DPP10: variants seen among roughly 807,000 people sequenced by gnomAD.
DPP10 encodes inactive dipeptidyl peptidase 10.
DPP10 carries 33 observed loss-of-function variants against 120.9 expected under a neutral mutation model. That is an observed-to-expected ratio of 0.27 (90% CI 0.21 to 0.37). The LOEUF (loss-of-function observed/expected upper bound fraction) is 0.37. Among genes scored for constraint, DPP10 ranks in the 10% least tolerant of loss-of-function variants. DPP10 has a pLI of 1.00. For missense variants in DPP10, 816 were observed against 942.8 expected (o/e 0.87, Z 1.76); for synonymous variants, 337 against 326.1 (o/e 1.03, Z -0.36).
intron 7 of DPP10, among the ~76,000 whole-genome samples, chr2:115,704,239 T>A (rs994976365): frequency 2.0e-5 from 3 of 151,622 alleles, no homozygotes; most frequent in Non-Finnish European, 4.4e-5. Flanking sequence ...GACCTAGCCA[T>A]TTAAAAAAAA....
chr2:115,141,501 AT>A (rs2050925877), intron 1 of DPP10, among the ~76,000 whole-genome samples: 1 of 152,206 alleles, frequency 6.6e-6, no homozygotes, highest in African/African-American at 2.4e-5. Context: ...AGAGCATGGA[AT>A]TTGCCTTACC....
At chr2:115,450,100 C>G (rs1416506911) in intron 3 of DPP10, among the ~76,000 whole-genome samples, 1 of 151,880 alleles carries the variant, frequency 6.6e-6, no homozygotes, top group Admixed American at 6.6e-5. Flanking sequence ...ATTAGCCCAT[C>G]ATAAGTTGAG....
chr2:115,469,158 G>A (rs1460751011), intron 3 of DPP10, among the ~76,000 whole-genome samples: 1 of 151,894 alleles, frequency 6.6e-6, no homozygotes, highest in Non-Finnish European at 1.5e-5. Flanking sequence ...AGGTTCTTAA[G>A]CTACATGGCA....
intron 1 of DPP10, among the ~76,000 whole-genome samples, chr2:114,608,915 G>T (rs181239803): frequency 6.6e-6 from 1 of 152,088 alleles, no homozygotes; most frequent in Non-Finnish European, 1.5e-5. Context: ...GACGGCAAGG[G>T]TTGAAAAACT....
intron 1 of DPP10, among the ~76,000 whole-genome samples, chr2:115,261,674 G>T (rs531558873): frequency 6.6e-6 from 1 of 152,314 alleles, no homozygotes; most frequent in South Asian, 2.1e-4. Context: ...TGAAAGGTAT[G>T]TTGTTCTCTT....
chr2:115,058,207 C>A (rs1485248366), intron 1 of DPP10, among the ~76,000 whole-genome samples: 6 of 147,458 alleles, frequency 4.1e-5, no homozygotes, highest in Non-Finnish European at 8.9e-5. Flanking sequence ...CTGTAGGAAA[C>A]CCTAATTTGT....
chr2:115,103,408 G>A (rs908118272), intron 1 of DPP10, among the ~76,000 whole-genome samples: 6 of 151,892 alleles, frequency 4.0e-5, no homozygotes, highest in East Asian at 1.9e-4. Flanking sequence ...CAGGATGGCC[G>A]CGATCTCCTG....
chr2:114,513,486 A>G (rs984936030), intron 1 of DPP10, among the ~76,000 whole-genome samples: 2 of 143,188 alleles, frequency 1.4e-5, no homozygotes, highest in Non-Finnish European at 1.5e-5. Flanking sequence ...GCACCACTGC[A>G]CTCCAGCCTG....
At chr2:115,801,022 G>A (rs1176305873) in intron 19 of DPP10, among the ~76,000 whole-genome samples, 1 of 152,090 alleles carries the variant, frequency 6.6e-6, no homozygotes, top group Admixed American at 6.6e-5. Context: ...AAATTACCTT[G>A]GGCAGTATGG....
chr2:115,420,257 A>G (rs1378805739), intron 3 of DPP10, among the ~76,000 whole-genome samples: 1 of 152,154 alleles, frequency 6.6e-6, no homozygotes, highest in East Asian at 1.9e-4. Flanking sequence ...TGGACAAAGG[A>G]TGAGGTGGTA....
intron 1 of DPP10, among the ~76,000 whole-genome samples, chr2:114,910,778 C>A (rs759008970): frequency 7.9e-5 from 12 of 152,004 alleles, no homozygotes; most frequent in Non-Finnish European, 1.2e-4. Flanking sequence ...AGTTCATGCT[C>A]AAAAAAATCC....
intron 1 of DPP10, among the ~76,000 whole-genome samples, chr2:114,872,023 T>A (rs941391433): frequency 6.6e-6 from 1 of 152,182 alleles, no homozygotes; most frequent in Non-Finnish European, 1.5e-5. Context: ...CCCAGAGGAA[T>A]GGCTGCAAAT....
intron 1 of DPP10, among the ~76,000 whole-genome samples, chr2:115,217,362 A>G (rs953759541): frequency 6.6e-6 from 1 of 152,212 alleles, no homozygotes; most frequent in Non-Finnish European, 1.5e-5. Context: ...TGCTCGCCAC[A>G]TAAGGCTCAT....
At chr2:115,717,549 C>T (rs2092534760) in intron 7 of DPP10, among the ~76,000 whole-genome samples, 1 of 151,932 alleles carries the variant, frequency 6.6e-6, no homozygotes, top group Admixed American at 6.6e-5. Flanking sequence ...TTAACCACTT[C>T]TTAGGTTTTT....
intron 22 of DPP10, 80 bp downstream of exon 22, chr2:115,836,336 G>C: frequency 1.4e-6 from 2 of 1,410,994 alleles, no homozygotes; most frequent in Non-Finnish European, 2.0e-6. Context: ...TAGCTCAATT[G>C]AGCTCATTTA....
At chr2:115,046,992 C>T (rs536385517) in intron 1 of DPP10, among the ~76,000 whole-genome samples, 232 of 151,930 alleles carry the variant, frequency 1.5e-3, no homozygotes, top group African/African-American at 5.1e-3. Flanking sequence ...AACCATGAAC[C>T]TTACTCTCAT....
At position 114,691,723 on chromosome 2, in the gene DPP10, G is replaced by A. The variant is rs1331154306; in HGVS notation, c.60+248885G>A. Among the ~76,000 whole-genome samples, 8 of 151,904 alleles carry A rather than the reference G, an allele frequency of 5.3e-5. No individual in the cohort carries two copies. In the East Asian group the frequency reaches 9.7e-4, roughly 18 times the overall value. ...TCTGTCTAGTCCTGGGCTTTTTTTGGTTGGTAGACTATTTATTACTGTCTC... is the reference window on the plus strand; with the variant it reads ...TCTGTCTAGTCCTGGGCTTTTTTTGATTGGTAGACTATTTATTACTGTCTC... On this transcript the variant is annotated intron_variant, in intron 1 of 25. Coordinates refer to ENST00000410059, the MANE Select transcript of DPP10 (RefSeq NM_020868.6).
At chr2:115,075,688 G>A (rs988321155) in intron 1 of DPP10, among the ~76,000 whole-genome samples, 16 of 149,758 alleles carry the variant, frequency 1.1e-4, no homozygotes, top group African/African-American at 3.9e-4. Flanking sequence ...AGGGAAGAAT[G>A]AGATAGCAAT....
At chr2:115,498,628 T>C (rs1414183074) in intron 3 of DPP10, among the ~76,000 whole-genome samples, 2 of 150,922 alleles carry the variant, frequency 1.3e-5, no homozygotes, top group Admixed American at 6.6e-5. Context: ...AAGATTATGA[T>C]TTAAAAAGAG....
Sources: allele counts gnomAD v4.1 joint callset (sites outside exome capture counted in the v4.1 genomes callset), GRCh38; gene constraint gnomAD v4.1.1; transcripts MANE v1.5; gene names NCBI Gene and HGNC (gene_info 2026-07-23, HGNC 2026-07-21).